LONRF2: variants seen among roughly 807,000 people sequenced by gnomAD.
LONRF2 encodes LON peptidase N-terminal domain and RING finger protein 2.
In LONRF2, 35 loss-of-function variants were observed where a neutral mutation model predicts 66.6. The ratio of observed to expected loss-of-function variants is 0.53; its 90% CI spans 0.40 to 0.70. The LOEUF (loss-of-function observed/expected upper bound fraction) is 0.70, where lower values mean the gene tolerates loss of function less well. LONRF2 is among the 30% of genes least tolerant of loss of function. LONRF2 has a pLI of 0.00. For missense variants in LONRF2, 902 were observed against 1,002.1 expected (o/e 0.90, Z 1.35); for synonymous variants, 417 against 418.1 (o/e 1.00, Z 0.03).
At chr2:100,289,791 C>G (rs1674921110) in intron 10 of LONRF2, among the ~76,000 whole-genome samples, 1 of 152,016 alleles carries the variant, frequency 6.6e-6, no homozygotes, top group Admixed American at 6.6e-5. Context: ...GGTAAAAATC[C>G]ACTGAGAAAA....
At position 100,294,370 on chromosome 2, in the gene LONRF2, G is replaced by A. The variant is rs755418323; in HGVS notation, c.1616C>T (p.Pro539Leu). ...GAAGGCCATGGCACACACAAAGATG[G>A]GGACGTCTCTGGTCAGACTGCAGAG... The part of the protein sequence containing the change: ...SELSNLTRDV[P>L]IFVCAMAFPT... The change falls in exon 9 of 12, where the codon CCC becomes CTC. Residue 539 changes from proline (P) to leucine (L), a missense_variant. This residue lies in a region of LONRF2 where 317 missense variants were observed against 432.2 expected (regional missense o/e 0.73). Transcript: ENST00000393437. 2 of 1,593,750 alleles carry A rather than the reference G, an allele frequency of 1.3e-6. No homozygotes were observed. Among genetic ancestry groups the A allele is most frequent in the Non-Finnish European group, 1.7e-6 (2 of 1,172,824 alleles).
intron 9 of LONRF2, among the ~76,000 whole-genome samples, chr2:100,292,025 T>C (rs545658623): frequency 3.3e-5 from 5 of 152,332 alleles, no homozygotes; most frequent in African/African-American, 4.8e-5. Flanking sequence ...AAAGTTCTCA[T>C]GGTGAGCAGC....
intron 2 of LONRF2, among the ~76,000 whole-genome samples, chr2:100,306,924 TC>T (rs1675304703): frequency 8.8e-6 from 1 of 113,882 alleles, no homozygotes; most frequent in African/African-American, 4.2e-5. Context: ...GGAGTCTCGC[TC>T]TTTTTTTTTT....
intron 9 of LONRF2, among the ~76,000 whole-genome samples, chr2:100,293,428 C>T (rs1573113407): frequency 6.6e-6 from 1 of 152,328 alleles, no homozygotes; most frequent in East Asian, 1.9e-4. Flanking sequence ...GGCTCCTTTG[C>T]AGCAGGTGTG....
In LONRF2 at chr2:100,322,169, C is replaced by T. The variant is rs1000951982; in HGVS notation, c.-76G>A. 2 of 1,198,332 alleles carry T rather than the reference C, an allele frequency of 1.7e-6. No individual in the cohort carries two copies. Among genetic ancestry groups the T allele is most frequent in the Non-Finnish European group, 1.0e-6 (1 of 963,694 alleles). 74.2% of individuals were successfully genotyped at this position (1,198,332 alleles called of 1,614,324 possible). A position where few individuals can be genotyped will look rare whatever the true frequency, so the allele number is the denominator to read the frequency against. Reference sequence around the variant, plus strand: ...AGGATGCGCTGCTGCTGGGAACTGGCCGGCGGGAGCGCGGTCTCAGCCCTC... The same window carrying T: ...AGGATGCGCTGCTGCTGGGAACTGGTCGGCGGGAGCGCGGTCTCAGCCCTC... On this transcript the variant is annotated 5_prime_UTR_variant, in exon 1 of 12. Coordinates refer to ENST00000393437, the MANE Select transcript of LONRF2 (RefSeq NM_198461.4).
chr2:100,299,646 T>C (rs1675137990), intron 5 of LONRF2, 71 bp downstream of exon 5: 4 of 1,205,876 alleles, frequency 3.3e-6, no homozygotes, highest in Non-Finnish European at 3.6e-6. Context: ...ATTTAAAAAA[T>C]ATATTGAATA....
chr2:100,318,315 T>G (rs975725892), intron 1 of LONRF2, among the ~76,000 whole-genome samples: 1 of 152,234 alleles, frequency 6.6e-6, no homozygotes, highest in African/African-American at 2.4e-5. Flanking sequence ...TATGGACAAT[T>G]GTCTTCTGAA....
At chr2:100,310,070 C>G (rs1184683449) in intron 1 of LONRF2, among the ~76,000 whole-genome samples, 1 of 152,164 alleles carries the variant, frequency 6.6e-6, no homozygotes, top group Non-Finnish European at 1.5e-5. Context: ...AAAAAAAACT[C>G]CTTTCTCTGC....
At chr2:100,308,533 A>G (rs1675341793) in intron 2 of LONRF2, among the ~76,000 whole-genome samples, 1 of 152,198 alleles carries the variant, frequency 6.6e-6, no homozygotes, top group Admixed American at 6.5e-5. Context: ...AGATTCATGA[A>G]AAGGCTTTTA....
chr2:100,312,598 G>A (rs1284230561), intron 1 of LONRF2, among the ~76,000 whole-genome samples: 1 of 152,130 alleles, frequency 6.6e-6, no homozygotes, highest in Non-Finnish European at 1.5e-5. Flanking sequence ...TCTAAAGGGT[G>A]CTTTAACTGA....
At chr2:100,297,277 C>T (rs1354908988) in intron 7 of LONRF2, among the ~76,000 whole-genome samples, 1 of 150,180 alleles carries the variant, frequency 6.7e-6, no homozygotes, top group East Asian at 2.0e-4. Flanking sequence ...TACAGGTGCC[C>T]GCCACCATAC....
chr2:100,307,142 G>A (rs1167628027), intron 2 of LONRF2, among the ~76,000 whole-genome samples: 2 of 151,996 alleles, frequency 1.3e-5, no homozygotes, highest in Non-Finnish European at 2.9e-5. Flanking sequence ...GGATGGTCTC[G>A]ATCTCCTGAC....
intron 1 of LONRF2, among the ~76,000 whole-genome samples, chr2:100,315,181 A>G (rs1430291930): frequency 1.3e-5 from 2 of 152,248 alleles, no homozygotes; most frequent in Non-Finnish European, 2.9e-5. Context: ...GGTATTAAAC[A>G]TCTTTCAGCT....
intron 2 of LONRF2, among the ~76,000 whole-genome samples, chr2:100,307,743 T>A (rs1675326632): frequency 6.6e-6 from 1 of 152,240 alleles, no homozygotes; most frequent in Non-Finnish European, 1.5e-5. Context: ...ATTTTAAGTG[T>A]TCTTACCACA....
intron 9 of LONRF2, 50 bp from the exon 10 acceptor site, chr2:100,290,470 C>T (rs749368554): frequency 1.2e-5 from 19 of 1,540,492 alleles, no homozygotes; most frequent in Admixed American, 1.9e-5. Flanking sequence ...ATGCAGGGGG[C>T]CTTCTTTTTC....
Position 100,322,174 on chromosome 2 carries a change from G to T in LONRF2, c.-81C>A. The T allele has an allele frequency of 8.4e-7, 1 of 1,194,620 alleles. No homozygotes were observed. Among genetic ancestry groups the T allele is most frequent in the Non-Finnish European group, 1.0e-6 (1 of 959,800 alleles). 74.0% of individuals were successfully genotyped at this position (1,194,620 alleles called of 1,614,324 possible). On this transcript the variant is annotated 5_prime_UTR_variant, in exon 1 of 12. Coordinates refer to ENST00000393437, the MANE Select transcript of LONRF2 (RefSeq NM_198461.4). Reference sequence around the variant, plus strand: ...GCGCTGCTGCTGGGAACTGGCCGGCGGGAGCGCGGTCTCAGCCCTCGCCAG... The same window carrying T: ...GCGCTGCTGCTGGGAACTGGCCGGCTGGAGCGCGGTCTCAGCCCTCGCCAG...
chr2:100,292,788 GT>G (rs1215964108), intron 9 of LONRF2, among the ~76,000 whole-genome samples: 3 of 152,060 alleles, frequency 2.0e-5, no homozygotes, highest in Admixed American at 6.6e-5. Flanking sequence ...CCTCTTAAAT[GT>G]TTTTATATTT....
chr2:100,299,166 G>T, intron 6 of LONRF2, 60 bp downstream of exon 6: 2 of 1,240,582 alleles, frequency 1.6e-6, no homozygotes, highest in Non-Finnish European at 2.3e-6. Context: ...TTACACTTTG[G>T]TATACATTTC....
intron 11 of LONRF2, among the ~76,000 whole-genome samples, chr2:100,285,711 A>C (rs1200922082): frequency 6.6e-6 from 1 of 152,154 alleles, no homozygotes; most frequent in Non-Finnish European, 1.5e-5. Flanking sequence ...AAGGAAGCCG[A>C]GGAATGCCGC....
Sources: gnomAD v4.1 joint callset for allele counts (sites outside exome capture counted in the v4.1 genomes callset) on GRCh38, gnomAD v4.1.1 for gene constraint, gnomAD v4.1.1 regional missense constraint, MANE v1.5 for transcripts, NCBI Gene and HGNC (gene_info 2026-07-23, HGNC 2026-07-21) for gene names.